ELMO1: variants seen among roughly 807,000 people sequenced by gnomAD.
ELMO1 encodes engulfment and cell motility protein 1.
In ELMO1, 26 loss-of-function variants were observed where a neutral mutation model predicts 98.9. The observed-to-expected ratio is 0.26, with a 90% confidence interval of 0.19 to 0.36. The LOEUF (loss-of-function observed/expected upper bound fraction) is 0.36, where lower values mean the gene tolerates loss of function less well. ELMO1 is among the 10% of genes least tolerant of loss of function. The pLI is 1.00. For synonymous variants in ELMO1, 346 were observed against 346.0 expected, an observed-to-expected ratio of 1.00 and a Z score of 0.00; for missense variants, 627 against 935.2, an observed-to-expected ratio of 0.67 and a Z score of 4.30.
At chr7:36,867,218 T>C (rs574383610) in intron 20 of ELMO1, among the ~76,000 whole-genome samples, 1 of 152,290 alleles carries the variant, frequency 6.6e-6, no homozygotes, top group South Asian at 2.1e-4. Context: ...CATCTATCCA[T>C]CATCATCCAT....
chr7:37,056,694 A>G lies in ELMO1; in HGVS notation c.1300+39925T>C, dbSNP rs141625122. Among the ~76,000 whole-genome samples, 291 of 152,362 alleles carry G rather than the reference A, an allele frequency of 1.9e-3. 1 individual carries two copies. Among genetic ancestry groups the G allele is most frequent in the Non-Finnish European group, 3.5e-3 (239 of 68,032 alleles). On this transcript the variant is annotated intron_variant, in intron 15 of 21. Transcript: ENST00000310758. ...CTGGCACCAACAGATGGAAACGTCT[A>G]TCATCCAAACAGCCTATTTCATCCT...
At chr7:37,313,218 C>CA (rs1209132150) in intron 4 of ELMO1, among the ~76,000 whole-genome samples, 2 of 117,482 alleles carry the variant, frequency 1.7e-5, no homozygotes, top group Non-Finnish European at 3.7e-5. Flanking sequence ...TGTTAACTCC[C>CA]AGCTTTGTTT....
chr7:36,994,744 C>T (rs1358760175), intron 16 of ELMO1, among the ~76,000 whole-genome samples: 2 of 152,238 alleles, frequency 1.3e-5, no homozygotes, highest in Non-Finnish European at 2.9e-5. Context: ...CCAGCTCTGT[C>T]TGCAATGTGG....
intron 4 of ELMO1, among the ~76,000 whole-genome samples, chr7:37,286,331 C>T (rs1223358727): frequency 6.6e-6 from 1 of 152,250 alleles, no homozygotes; most frequent in African/African-American, 2.4e-5. Context: ...ACACTAGTGT[C>T]AGATGGGCCT....
intron 16 of ELMO1, among the ~76,000 whole-genome samples, chr7:36,972,787 GT>G (rs940632292): frequency 6.6e-6 from 1 of 152,086 alleles, no homozygotes; most frequent in Admixed American, 6.5e-5. Flanking sequence ...TATATCTATA[GT>G]TTTTTGAAAC....
intron 13 of ELMO1, among the ~76,000 whole-genome samples, chr7:37,202,970 T>C (rs1792382114): frequency 6.6e-6 from 1 of 152,178 alleles, no homozygotes; most frequent in African/African-American, 2.4e-5. Context: ...CCCTGGACCC[T>C]GCTGATCGGA....
At chr7:37,098,064 C>T (rs1784454997) in intron 14 of ELMO1, among the ~76,000 whole-genome samples, 1 of 152,238 alleles carries the variant, frequency 6.6e-6, no homozygotes, top group Non-Finnish European at 1.5e-5. Flanking sequence ...AAAGCTTCTT[C>T]TCCAAAACTC....
intron 1 of ELMO1, among the ~76,000 whole-genome samples, chr7:37,390,669 G>A (rs1202208281): frequency 6.6e-6 from 1 of 152,168 alleles, no homozygotes; most frequent in East Asian, 1.9e-4. Flanking sequence ...AAAGACTAAT[G>A]TCAGAGTTCA....
At chr7:36,997,285 GT>G (rs1190748650) in intron 16 of ELMO1, among the ~76,000 whole-genome samples, 1 of 152,128 alleles carries the variant, frequency 6.6e-6, no homozygotes, top group African/African-American at 2.4e-5. Context: ...AAATGATTTT[GT>G]TTTTTTCTGT....
At chr7:37,415,235 T>A (rs1049374424) in intron 1 of ELMO1, among the ~76,000 whole-genome samples, 2 of 152,264 alleles carry the variant, frequency 1.3e-5, no homozygotes, top group Non-Finnish European at 2.9e-5. Flanking sequence ...TTAGCATGCA[T>A]GTACTCCTGA....
At chr7:37,448,007 C>T (rs1025800380) in intron 1 of ELMO1, among the ~76,000 whole-genome samples, 6 of 152,030 alleles carry the variant, frequency 3.9e-5, no homozygotes, top group African/African-American at 1.4e-4. Context: ...CTCTCGGTCT[C>T]GGCGGAGACC....
chr7:36,898,663 C>A (rs761742801), intron 16 of ELMO1, among the ~76,000 whole-genome samples: 1 of 152,162 alleles, frequency 6.6e-6, no homozygotes, highest in African/African-American at 2.4e-5. Flanking sequence ...TGTTTTATTG[C>A]AAGACGTACT....
chr7:37,273,447 T>C (rs1344045793), intron 4 of ELMO1, among the ~76,000 whole-genome samples: 1 of 152,212 alleles, frequency 6.6e-6, no homozygotes, highest in Non-Finnish European at 1.5e-5. Flanking sequence ...CCTGCTTACC[T>C]TTCTGCCATG....
At chr7:36,908,647 A>G (rs1175004088) in intron 16 of ELMO1, among the ~76,000 whole-genome samples, 1 of 152,234 alleles carries the variant, frequency 6.6e-6, no homozygotes, top group African/African-American at 2.4e-5. Context: ...TAAATTTTAA[A>G]CTACATAGTG....
chr7:37,131,376 G>T (rs1170393486), intron 14 of ELMO1, among the ~76,000 whole-genome samples: 1 of 152,294 alleles, frequency 6.6e-6, no homozygotes, highest in African/African-American at 2.4e-5. Flanking sequence ...TTGTCAGGCT[G>T]CCATGGTATT....
Position 37,200,516 on chromosome 7 carries a change from G to C in ELMO1, c.1086+10870C>G, listed in dbSNP as rs191131545. ...AACCCTGAACATGTACAGGCAGGGT[G>C]CTGGCAATCCTCTCTTCACCTGTGA... On this transcript the variant is annotated intron_variant, in intron 13 of 21. Coordinates refer to ENST00000310758, the MANE Select transcript of ELMO1 (RefSeq NM_014800.11). Among the ~76,000 whole-genome samples the C allele has an allele frequency of 1.1e-3, 164 of 152,296 alleles. 1 individual carries two copies. Among genetic ancestry groups the C allele is most frequent in the African/African-American group, 3.6e-3 (150 of 41,560 alleles).
At chr7:37,448,007 C>G (rs1025800380) in intron 1 of ELMO1, among the ~76,000 whole-genome samples, 1 of 152,030 alleles carries the variant, frequency 6.6e-6, no homozygotes, top group African/African-American at 2.4e-5. Context: ...CTCTCGGTCT[C>G]GGCGGAGACC....
chr7:37,438,694 A>G (rs917828008), intron 1 of ELMO1, among the ~76,000 whole-genome samples: 2 of 152,140 alleles, frequency 1.3e-5, no homozygotes, highest in Non-Finnish European at 2.9e-5. Flanking sequence ...TACAATCATG[A>G]TTGCATTTAA....
intron 16 of ELMO1, chr7:36,986,623 C>A (rs1268014538): frequency 6.6e-6 from 1 of 152,122 alleles, no homozygotes; most frequent in Non-Finnish European, 1.5e-5. Context: ...ACATCTGCTG[C>A]CAGACCCATA....
Sources: allele counts gnomAD v4.1 joint callset (sites outside exome capture counted in the v4.1 genomes callset), GRCh38; gene constraint gnomAD v4.1.1; transcripts MANE v1.5; gene names NCBI Gene and HGNC (gene_info 2026-07-23, HGNC 2026-07-21).